The following HYDIN variants were observed in gnomAD, a reference collection of about 807,000 sequenced individuals.
The protein encoded by HYDIN is HYDIN axonemal central pair apparatus protein, also known as axonemal central pair apparatus protein HYDIN.
Under a neutral mutation model 403.9 loss-of-function variants are expected in HYDIN, and 132 were observed. The ratio of observed to expected loss-of-function variants is 0.33; its 90% CI spans 0.28 to 0.38. HYDIN has a LOEUF of 0.38. HYDIN is among the 10% of genes least tolerant of loss of function. The probability of loss-of-function intolerance (pLI) is 1.00; values close to 1 mark genes in which losing one functional copy is unlikely to be tolerated. For synonymous variants in HYDIN, 1,202 were observed against 1,891.7 expected, an observed-to-expected ratio of 0.64 and a Z score of 9.46; for missense variants, 2,827 against 5,009.5, an observed-to-expected ratio of 0.56 and a Z score of 13.15.
Position 71,230,644 on chromosome 16 carries a change from C to A in HYDIN, c.-106G>T. ...GTCCAACTCACAGACCCCGCCGCCG[C>A]TGAGGGGCTCCATACCCAGCTTGAA... On this transcript the variant is annotated 5_prime_UTR_variant, in exon 1 of 86. Coordinates refer to ENST00000393567, the MANE Select transcript of HYDIN (RefSeq NM_001270974.2). The A allele has an allele frequency of 1.3e-6, 2 of 1,536,106 alleles. No individual in the cohort carries two copies. The highest frequency in any genetic ancestry group is 1.7e-6 in the Non-Finnish European group (2 of 1,146,874).
chr16:71,006,581 T>C (rs2144087954), intron 23 of HYDIN, among the ~76,000 whole-genome samples: 1 of 152,230 alleles, frequency 6.6e-6, no homozygotes, highest in African/African-American at 2.4e-5. Context: ...AGTTGGGGTA[T>C]GATTATCACT....
At chr16:71,140,789 A>T (rs1190044343) in intron 7 of HYDIN, among the ~76,000 whole-genome samples, 1 of 152,084 alleles carries the variant, frequency 6.6e-6, no homozygotes, top group Non-Finnish European at 1.5e-5. Context: ...TGATAAAGAT[A>T]TAACAACGAT....
chr16:71,223,580 A>T (rs1401243478), intron 1 of HYDIN, among the ~76,000 whole-genome samples: 4 of 152,186 alleles, frequency 2.6e-5, no homozygotes, highest in African/African-American at 4.8e-5. Flanking sequence ...TATGCATCCA[A>T]CAAAGGACTA....
At position 71,033,622 on chromosome 16, in the gene HYDIN, C is replaced by A. The variant is rs538600653; in HGVS notation, c.2530-1705G>T. Among the ~76,000 whole-genome samples the A allele has an allele frequency of 4.2e-5, 6 of 141,784 alleles. No individual in the cohort carries two copies. The East Asian group carries it at 6.3e-4, about 15-fold the overall frequency. The allele number at this position is 141,784 out of a possible 152,430, so 93.0% of individuals were successfully genotyped here. On this transcript the variant is annotated intron_variant, in intron 18 of 85. Coordinates refer to ENST00000393567, the MANE Select transcript of HYDIN (RefSeq NM_001270974.2). ...GGGAGGGGAACATCACACACCAGGG[C>A]GTGTCAGGGGTCGGGGGGCAGGGGG...
At chr16:71,224,559 C>CTTTTTTTTTT (rs34595246) in intron 1 of HYDIN, among the ~76,000 whole-genome samples, 1 of 117,388 alleles carries the variant, frequency 8.5e-6, no homozygotes, top group African/African-American at 3.1e-5. Flanking sequence ...TAAGGTTTTT[C>CTTTTTTTTTT]TTTTTTTTTT....
chr16:70,949,173 T>C (rs1456435819), intron 41 of HYDIN, among the ~76,000 whole-genome samples: 2 of 151,164 alleles, frequency 1.3e-5, no homozygotes, highest in Non-Finnish European at 2.9e-5. Context: ...ATGGATGAAA[T>C]TGGAAATCAT....
intron 66 of HYDIN, among the ~76,000 whole-genome samples, chr16:70,866,937 C>T (rs797006585): frequency 1.3e-5 from 2 of 149,944 alleles, no homozygotes; most frequent in South Asian, 4.2e-4. Flanking sequence ...GGGCATGAGA[C>T]TCTCTTGAAC....
intron 1 of HYDIN, among the ~76,000 whole-genome samples, chr16:71,225,381 A>C (rs76910012): frequency 0.04 from 5,980 of 151,224 alleles, 435 homozygotes; most frequent in African/African-American, 0.14. Context: ...TCATACCCTG[A>C]CCCCCTCACT....
chr16:71,191,860 T>C (rs2087452813), intron 1 of HYDIN, among the ~76,000 whole-genome samples: 1 of 152,206 alleles, frequency 6.6e-6, no homozygotes, highest in Admixed American at 6.5e-5. Context: ...CCTCTGTGAA[T>C]GAATTATCAT....
At chr16:70,992,322 C>G (rs1309305223) in intron 23 of HYDIN, 112 bp from the exon 24 acceptor site, 1 of 1,435,946 alleles carries the variant, frequency 7.0e-7, no homozygotes, top group Non-Finnish European at 9.1e-7. Context: ...CTAGACCAGG[C>G]AGATCTAGTA....
Position 70,840,233 on chromosome 16 carries a change from T to C in HYDIN, c.12874A>G (p.Ile4292Val), listed in dbSNP as rs2037723848. 1.2e-6 allele frequency: 1 copy of C among 817,104 alleles called. No homozygotes were observed. The highest frequency in any genetic ancestry group is 2.6e-5 in the Admixed American group (1 of 38,138). The allele number at this position is 817,104 out of a possible 1,614,324, so 50.6% of individuals were successfully genotyped here. ...VLTDLELIIK[I>V]SHGPTFMCNI... Reference sequence around the variant, plus strand: ...CACATAAATGTTGGACCATGGCTGATCTGTGAGGAGGAAATGGCAGGGGGA... The same window carrying C: ...CACATAAATGTTGGACCATGGCTGACCTGTGAGGAGGAAATGGCAGGGGGA... Residue 4292 changes from isoleucine (I) to valine (V), a missense_variant and splice_region_variant, in exon 76 of 86, where the codon ATC becomes GTC. Physicochemically the swap from Ile to Val is conservative, Grantham distance 29. Coordinates refer to ENST00000393567, the MANE Select transcript of HYDIN (RefSeq NM_001270974.2).
intron 18 of HYDIN, among the ~76,000 whole-genome samples, chr16:71,056,988 T>G (rs2081920261): frequency 1.6e-5 from 2 of 127,750 alleles, no homozygotes; most frequent in African/African-American, 5.8e-5. Flanking sequence ...GAGAACTACC[T>G]GAAGTTGAAA....
chr16:71,182,692 T>C (rs1040675980), intron 3 of HYDIN, among the ~76,000 whole-genome samples: 3 of 152,080 alleles, frequency 2.0e-5, no homozygotes, highest in East Asian at 3.9e-4. Flanking sequence ...GACTATATGA[T>C]CCAGAGTTCA....
chr16:70,865,854 G>A (rs961890723), intron 67 of HYDIN, among the ~76,000 whole-genome samples: 1 of 152,244 alleles, frequency 6.6e-6, no homozygotes, highest in Non-Finnish European at 1.5e-5. Flanking sequence ...ACCACTTGGT[G>A]CATGGGCAAA....
intron 13 of HYDIN, chr16:71,075,816 G>C (rs1330781230): frequency 5.0e-6 from 1 of 199,528 alleles, no homozygotes; most frequent in Non-Finnish European, 1.1e-5. Context: ...TAAATAGGTT[G>C]AGGGGATGTT....
At chr16:71,019,176 G>A (rs1323895951) in intron 22 of HYDIN, among the ~76,000 whole-genome samples, 1 of 151,820 alleles carries the variant, frequency 6.6e-6, no homozygotes, top group Admixed American at 6.6e-5. Flanking sequence ...ACACCTTCCC[G>A]TAGAAAGGCT....
rs575152922 is a variant in HYDIN at position 70,955,496 on chromosome 16, C to T, written c.6195G>A (p.Leu2065=). The part of the protein sequence containing the change: ...SVAKYYNAAC[L]SIDSIVLEAV... Reference sequence around the variant, plus strand: ...CTTCCAGCACAATGGAGTCGATGCTCAGGCAGGCTGCGTTGTAGTACTTGG... The same window carrying T: ...CTTCCAGCACAATGGAGTCGATGCTTAGGCAGGCTGCGTTGTAGTACTTGG... Residue 2065 remains leucine (L), a synonymous_variant, in exon 40 of 86, where the codon CTG becomes CTA. Coordinates refer to ENST00000393567, the MANE Select transcript of HYDIN (RefSeq NM_001270974.2). 1.9e-5 allele frequency: 30 copies of T among 1,593,538 alleles called. No homozygotes were observed. In the East Asian group the frequency reaches 3.4e-4, roughly 18 times the overall value.
chr16:71,210,900 A>G lies in HYDIN; in HGVS notation c.-24+19662T>C, dbSNP rs115965078. Among the ~76,000 whole-genome samples the G allele has an allele frequency of 8.0e-3, 1,217 of 152,222 alleles. 15 individuals are homozygous for G. Among genetic ancestry groups the G allele is most frequent in the African/African-American group, 0.028 (1,156 of 41,566 alleles). ...TATAATTTTTTACAAATTTATGTAT[A>G]TTATATGATAAAGCAAATAATATGT... On this transcript the variant is annotated intron_variant, in intron 1 of 85. Transcript: ENST00000393567.
At chr16:71,178,478 CAT>C (rs898985103) in intron 4 of HYDIN, among the ~76,000 whole-genome samples, 5 of 143,336 alleles carry the variant, frequency 3.5e-5, no homozygotes, top group African/African-American at 1.0e-4. Context: ...CACACACATA[CAT>C]ATATATATAT....
Sources: allele counts gnomAD v4.1 joint callset (sites outside exome capture counted in the v4.1 genomes callset), GRCh38; gene constraint gnomAD v4.1.1; transcripts MANE v1.5; gene names NCBI Gene and HGNC (gene_info 2026-07-23, HGNC 2026-07-21).